The following SLC2A14 variants were observed in gnomAD, a reference collection of about 807,000 sequenced individuals.
The protein encoded by SLC2A14 is solute carrier family 2 member 14.
Under a neutral mutation model 43.0 loss-of-function variants are expected in SLC2A14, and 13 were observed. The ratio of observed to expected loss-of-function variants is 0.30; its 90% confidence interval spans 0.20 to 0.48. The LOEUF is 0.48. Ranked by LOEUF, SLC2A14 falls within the 20% of genes least tolerant of loss-of-function variation. SLC2A14 has a pLI of 0.99. For synonymous variants in SLC2A14, 190 were observed against 233.8 expected, an observed-to-expected ratio of 0.81 and a Z score of 1.71; for missense variants, 428 against 620.4, an observed-to-expected ratio of 0.69 and a Z score of 3.29.
intron 2 of SLC2A14, among the ~76,000 whole-genome samples, chr12:7,842,005 CAAAAG>C (rs1865993343): frequency 6.9e-6 from 1 of 144,602 alleles, no homozygotes; most frequent in Non-Finnish European, 1.5e-5. Flanking sequence ...AACTCTGTCT[CAAAAG>C]AAAAAAAAAA....
chr12:7,840,181 T>C (rs12320590), intron 2 of SLC2A14, among the ~76,000 whole-genome samples: 1,463 of 132,900 alleles, frequency 0.011, 13 homozygotes, highest in African/African-American at 0.038. Context: ...TTTTTTTTTT[T>C]TTTTTGCCCT....
intron 7 of SLC2A14, among the ~76,000 whole-genome samples, chr12:7,826,242 G>A (rs1864349813): frequency 8.3e-6 from 1 of 120,128 alleles, no homozygotes; most frequent in Admixed American, 8.9e-5. Flanking sequence ...TTTTTTTTAA[G>A]ACAGGGTCAT....
chr12:7,886,422 G>T (rs1004710383), intron 1 of SLC2A14, among the ~76,000 whole-genome samples: 2 of 150,912 alleles, frequency 1.3e-5, no homozygotes, highest in African/African-American at 4.9e-5. Context: ...GCCCAGGCTG[G>T]TCTCAAATAC....
intron 2 of SLC2A14, among the ~76,000 whole-genome samples, chr12:7,866,224 C>CAAAAAAAAAAA (rs1294745106): frequency 3.2e-5 from 3 of 93,598 alleles, no homozygotes; most frequent in Non-Finnish European, 2.1e-5. Context: ...GACTCTGTCT[C>CAAAAAAAAAAA]AAAAAAAAAA....
At chr12:7,816,976 G>A (rs761710599) in intron 10 of SLC2A14, among the ~76,000 whole-genome samples, 19 of 152,216 alleles carry the variant, frequency 1.2e-4, no homozygotes, top group African/African-American at 4.1e-4. Context: ...CAAAGTCCTA[G>A]GATTACCGGC....
intron 2 of SLC2A14, among the ~76,000 whole-genome samples, chr12:7,834,074 A>C (rs1865247901): frequency 6.6e-6 from 1 of 152,114 alleles, no homozygotes; most frequent in Non-Finnish European, 1.5e-5. Context: ...TCTCAGTCAC[A>C]ACTAAGCATC....
chr12:7,870,857 C>G (rs1945185503), intron 1 of SLC2A14: 11 of 1,283,370 alleles, frequency 8.6e-6, no homozygotes, highest in Admixed American at 2.6e-5. Flanking sequence ...CCAAAATGTT[C>G]AGCAAGTGGA....
intron 2 of SLC2A14, among the ~76,000 whole-genome samples, chr12:7,865,869 C>G (rs1213976861): frequency 1.3e-5 from 2 of 152,030 alleles, no homozygotes; most frequent in Non-Finnish European, 2.9e-5. Flanking sequence ...GCTATAAATA[C>G]CAAGGAAAAG....
chr12:7,885,110 T>G (rs1465020560), intron 1 of SLC2A14, among the ~76,000 whole-genome samples: 1 of 152,146 alleles, frequency 6.6e-6, no homozygotes, highest in East Asian at 1.9e-4. Flanking sequence ...GAGTACAATC[T>G]GACAAATCCA....
In SLC2A14 at chr12:7,819,922, GC is replaced by G. The variant is rs966036838; in HGVS notation, c.970-340del. ...AAACCCTCATTTCAGAGAGGGTCCT[GC>G]CCCACACCCTAGAGGAAGAAACGCT... On this transcript the variant is annotated intron_variant, in intron 8 of 10. Transcript: ENST00000431042. Among the ~76,000 whole-genome samples the G allele has an allele frequency of 1.5e-4, 5 of 32,994 alleles. 1 individual carries two copies. The highest frequency in any genetic ancestry group is 5.3e-4 in the African/African-American group (4 of 7,518). The allele number at this position is 32,994 out of a possible 152,430, so 21.6% of individuals were successfully genotyped here.
At chr12:7,843,019 C>T (rs181505414) in intron 2 of SLC2A14, among the ~76,000 whole-genome samples, 24 of 152,186 alleles carry the variant, frequency 1.6e-4, no homozygotes, top group Middle Eastern at 3.4e-3. Context: ...TGAGCCACCG[C>T]GCCTGGCCAC....
intron 2 of SLC2A14, among the ~76,000 whole-genome samples, chr12:7,858,005 C>T (rs1944342561): frequency 6.6e-6 from 1 of 152,038 alleles, no homozygotes; most frequent in African/African-American, 2.4e-5. Flanking sequence ...TGGTGGCTTG[C>T]ACCTTTAATC....
At position 7,814,465 on chromosome 12, in the gene SLC2A14, A is replaced by G. The variant is rs1376214280; in HGVS notation, c.1345T>C (p.Phe449Leu). 2 of 1,613,642 alleles carry G rather than the reference A, an allele frequency of 1.2e-6. No homozygotes were observed. Among genetic ancestry groups the G allele is most frequent in the Non-Finnish European group, 1.7e-6 (2 of 1,179,848 alleles). ...CTGCCACGGGTCTCAGGGACTTTGAAGAAGGTAAAGGCCAAGAAGGTAATG... is the reference window on the plus strand; with the variant it reads ...CTGCCACGGGTCTCAGGGACTTTGAGGAAGGTAAAGGCCAAGAAGGTAATG... ...FLITFLAFTF[F>L]KVPETRGRTF... The change falls in exon 11 of 11, where the codon TTC becomes CTC. Residue 449 changes from phenylalanine to leucine, a missense_variant. Coordinates refer to ENST00000431042, the MANE Select transcript of SLC2A14 (RefSeq NM_001286234.2).
At chr12:7,890,568 C>A (rs780608723) in intron 1 of SLC2A14, among the ~76,000 whole-genome samples, 1 of 152,072 alleles carries the variant, frequency 6.6e-6, no homozygotes, top group African/African-American at 2.4e-5. Context: ...TTTAACACGC[C>A]CTTATGCCAG....
At position 7,819,467 on chromosome 12, in the gene SLC2A14, C is replaced by T. The variant is rs1361301297; in HGVS notation, c.1071+15G>A. 6 of 1,611,686 alleles carry T rather than the reference C, an allele frequency of 3.7e-6. No individual in the cohort carries two copies. On this transcript the variant is annotated intron_variant, in intron 9 of 10. Transcript: ENST00000431042. ...TCTTTCCCCCTCCCTTTTTTTTCAC[C>T]CAAAGAGCACTTACCTTTAATAACA...
intron 7 of SLC2A14, among the ~76,000 whole-genome samples, chr12:7,825,226 C>A (rs920651036): frequency 1.5e-5 from 2 of 131,012 alleles, no homozygotes; most frequent in African/African-American, 5.0e-5. Context: ...TTTGGGAGGC[C>A]GAGGCGGGTG....
At chr12:7,882,195 C>T (rs1795906662) in intron 1 of SLC2A14, among the ~76,000 whole-genome samples, 1 of 151,978 alleles carries the variant, frequency 6.6e-6, no homozygotes, top group Admixed American at 6.6e-5. Flanking sequence ...TGTAGCTTTA[C>T]TTTTGAAGCC....
chr12:7,853,912 A>C (rs2120945910), intron 2 of SLC2A14, among the ~76,000 whole-genome samples: 1 of 152,296 alleles, frequency 6.6e-6, no homozygotes, highest in South Asian at 2.1e-4. Flanking sequence ...CCCTGAATGG[A>C]AATGAGCATC....
chr12:7,828,504 G>A (rs895174491), intron 6 of SLC2A14, among the ~76,000 whole-genome samples, 200 bp downstream of exon 6: 3 of 152,120 alleles, frequency 2.0e-5, no homozygotes, highest in East Asian at 1.9e-4. Flanking sequence ...AACCGAGATC[G>A]CACCACTGCA....
Sources: allele counts gnomAD v4.1 joint callset (sites outside exome capture counted in the v4.1 genomes callset), GRCh38; gene constraint gnomAD v4.1.1; transcripts MANE v1.5; gene names NCBI Gene and HGNC (gene_info 2026-07-23, HGNC 2026-07-21).